Variants in ADPRHL1 observed in about 807,000 individuals in gnomAD.
The protein encoded by ADPRHL1 is inactive ADP-ribosyltransferase ARH2.
A neutral mutation model predicts 44.1 loss-of-function variants in ADPRHL1; 43 were observed. The ratio of observed to expected loss-of-function variants is 0.98; its 90% CI spans 0.76 to 1.26. The LOEUF is 1.26. ADPRHL1 is among the 50% of genes most tolerant of loss of function. The pLI is 0.00. For missense variants in ADPRHL1, 2,022 were observed against 2,496.9 expected (o/e 0.81, Z 4.05); for synonymous variants, 878 against 1,017.4 (o/e 0.86, Z 2.61).
chr13:113,444,906 A>G (rs1265380723), intron 1 of ADPRHL1, among the ~76,000 whole-genome samples: 1 of 152,168 alleles, frequency 6.6e-6, no homozygotes, highest in Non-Finnish European at 1.5e-5. Flanking sequence ...TACAGGCGTG[A>G]GCCACTGCAC....
chr13:113,435,477 G>A (rs1202196849), intron 2 of ADPRHL1, among the ~76,000 whole-genome samples: 115 of 51,516 alleles, frequency 2.2e-3, no homozygotes, highest in South Asian at 3.8e-3. Flanking sequence ...CCCGGGACCC[G>A]GCACCCAGGT....
In ADPRHL1 at chr13:113,428,998, C is replaced by T. The variant is rs1255250996; in HGVS notation, c.600G>A (p.Val200=). 1 of 1,612,840 alleles carries T rather than the reference C, an allele frequency of 6.2e-7. No individual in the cohort carries two copies. The highest frequency in any genetic ancestry group is 1.3e-5 in the African/African-American group (1 of 75,062). ...VQWGRDMLRA[V]PLAEEYCRKT... is the part of the protein sequence containing the mutation. The stretch of plus-strand genomic sequence containing the variant: ...TCCTGCAGTACTCTTCTGCCAGAGG[C>T]ACCGCCCGCAGCATGTCTCTCCCCC... The change falls in exon 4 of 8, where the codon GTG becomes GTA. Residue 200 remains valine (V), a synonymous_variant. Transcript: ENST00000612156.
chr13:113,418,016 G>A (rs1226320674), intron 7 of ADPRHL1, among the ~76,000 whole-genome samples: 4 of 152,158 alleles, frequency 2.6e-5, no homozygotes, highest in Non-Finnish European at 5.9e-5. Context: ...TGGCAGCTTG[G>A]GCCTGAGGTT....
Position 113,409,953 on chromosome 13 carries a change from G to A in ADPRHL1, c.1062-1733C>T. ...GAAAAGAGACCGGAAGGAAATGTGT[G>A]AACATACTTCTCTTTTTGTGTTTGT... On this transcript the variant is annotated intron_variant, in intron 7 of 7. Coordinates refer to ENST00000612156, the MANE Select transcript of ADPRHL1 (RefSeq NM_001394807.1). The surrounding 1 kb of genome is among the most constrained non-coding windows in gnomAD (Gnocchi z 4.2). 1 of 982,164 alleles carries A rather than the reference G, an allele frequency of 1.0e-6. No homozygotes were observed. The highest frequency in any genetic ancestry group is 1.2e-6 in the Non-Finnish European group (1 of 827,404). The allele number at this position is 982,164 out of a possible 1,614,324, so 60.8% of individuals were successfully genotyped here.
chr13:113,408,334 A>G (rs775141990), intron 7 of ADPRHL1, 114 bp from the exon 8 acceptor site: 2 of 1,074,948 alleles, frequency 1.9e-6, no homozygotes, highest in Non-Finnish European at 2.4e-6. Context: ...AAAGTCTGGT[A>G]GGGAGAAAAA....
In ADPRHL1 at chr13:113,425,079, G is replaced by T. The variant is rs758895749; in HGVS notation, c.747C>A (p.Asp249Glu). 7 of 1,613,452 alleles carry T rather than the reference G, an allele frequency of 4.3e-6. No homozygotes were observed. In the Admixed American group the frequency reaches 5.0e-5, roughly 12 times the overall value. ...KDSENKAIFP[D>E]NYDAEEREKT... ...TTTCCCTCTCTTCTGCATCATAATT[G>T]TCGGGGAAGATGGCTTTATTTTCTG... Residue 249 changes from aspartate (D) to glutamate (E), a missense_variant, in exon 5 of 8, where the codon GAC becomes GAA. Asp to Glu is a conservative substitution (Grantham distance 45). This residue lies in a region of ADPRHL1 where 437 missense variants were observed against 430.7 expected (regional missense o/e 1.01). Coordinates refer to ENST00000612156, the MANE Select transcript of ADPRHL1 (RefSeq NM_001394807.1).
chr13:113,445,783 G>A (rs763539854), intron 1 of ADPRHL1, among the ~76,000 whole-genome samples: 1 of 152,128 alleles, frequency 6.6e-6, no homozygotes, highest in Non-Finnish European at 1.5e-5. Flanking sequence ...AGATTAGGAA[G>A]GGCACTTGGC....
At chr13:113,449,628 C>T (rs1216478220) in intron 1 of ADPRHL1, among the ~76,000 whole-genome samples, 1 of 152,242 alleles carries the variant, frequency 6.6e-6, no homozygotes, top group Non-Finnish European at 1.5e-5. Context: ...CAGGCTGCCC[C>T]GACCCTCAGA....
Position 113,406,368 on chromosome 13 carries a change from C to G in ADPRHL1, c.2914G>C (p.Asp972His), listed in dbSNP as rs1363187375. ...GAGGTCCTCTCTCCTGAAATATCGTCAGGATTCCTGGGACCGTGTGAATTC... is the reference window on the plus strand; with the variant it reads ...GAGGTCCTCTCTCCTGAAATATCGTGAGGATTCCTGGGACCGTGTGAATTC... ...FENSHGPRNPDDISGERTSEL... is the reference protein window; with the variant it reads ...FENSHGPRNPHDISGERTSEL... Residue 972 changes from aspartate (D) to histidine (H), a missense_variant, in exon 8 of 8, where the codon GAC (aspartate) becomes CAC (histidine). Transcript: ENST00000612156. The G allele has an allele frequency of 2.4e-6, 3 of 1,231,988 alleles. No individual in the cohort carries two copies. The highest frequency in any genetic ancestry group is 3.0e-6 in the Non-Finnish European group (3 of 987,970). 76.3% of individuals were successfully genotyped at this position (1,231,988 alleles called of 1,614,324 possible).
intron 7 of ADPRHL1, among the ~76,000 whole-genome samples, chr13:113,413,671 C>CA (rs2043871989): frequency 6.6e-6 from 1 of 152,240 alleles, no homozygotes; most frequent in South Asian, 2.1e-4. Context: ...CCCCACCCCT[C>CA]AAAGCCTCCT....
chr13:113,429,472 AC>A (rs1339486504), intron 3 of ADPRHL1, among the ~76,000 whole-genome samples: 3 of 152,106 alleles, frequency 2.0e-5, no homozygotes, highest in Non-Finnish European at 4.4e-5. Flanking sequence ...CCCCAGGTTC[AC>A]CCGCGTGGCT....
Position 113,404,740 on chromosome 13 carries a change from T to C in ADPRHL1, c.4542A>G (p.Ile1514Met), listed in dbSNP as rs1699188610. The C allele has an allele frequency of 5.5e-6, 7 of 1,275,620 alleles. No homozygotes were observed. Among genetic ancestry groups the C allele is most frequent in the African/African-American group, 3.1e-5 (2 of 64,836 alleles). 79.0% of individuals were successfully genotyped at this position (1,275,620 alleles called of 1,614,324 possible). A position where few individuals can be genotyped will look rare whatever the true frequency, so the allele number is the denominator to read the frequency against. Reference sequence around the variant, plus strand: ...GTTCCTGTGCCTGCCCCTGGGCCTCTATCTGGGTCTGCCACTGGGCCTGTT... The same window carrying C: ...GTTCCTGTGCCTGCCCCTGGGCCTCCATCTGGGTCTGCCACTGGGCCTGTT... ...AQEQAQWQTQ[I>M]EAQGQAQEQA... is the part of the protein sequence containing the mutation. The change falls in exon 8 of 8, where the codon ATA (isoleucine) becomes ATG (methionine). Residue 1514 changes from isoleucine (I) to methionine (M), a missense_variant. Coordinates refer to ENST00000612156, the MANE Select transcript of ADPRHL1 (RefSeq NM_001394807.1).
chr13:113,422,026 T>A (rs1312458829), intron 7 of ADPRHL1: 1 of 152,212 alleles, frequency 6.6e-6, no homozygotes, highest in Non-Finnish European at 1.5e-5. Flanking sequence ...GAGCAAGTGG[T>A]CTCTTTTCCA....
chr13:113,429,221 T>A, intron 3 of ADPRHL1, 129 bp from the exon 4 acceptor site: 1 of 1,285,608 alleles, frequency 7.8e-7, no homozygotes, highest in Non-Finnish European at 1.1e-6. Flanking sequence ...CATGTTCAGG[T>A]GCACAGTTCG....
chr13:113,408,545 A>G (rs1159306979), intron 7 of ADPRHL1, among the ~76,000 whole-genome samples: 1 of 152,272 alleles, frequency 6.6e-6, no homozygotes, highest in Non-Finnish European at 1.5e-5. Context: ...CATATGCAAC[A>G]TATTAAAAGA....
In ADPRHL1 at chr13:113,409,622, C is replaced by T. The variant is rs1033893572; in HGVS notation, c.1062-1402G>A. On this transcript the variant is annotated intron_variant, in intron 7 of 7. Coordinates refer to ENST00000612156, the MANE Select transcript of ADPRHL1 (RefSeq NM_001394807.1). This position sits in a 1 kb window ranked among gnomAD's most constrained non-coding sequence, Gnocchi z 4.2. ...AGCTGAGGCCGGGCGCCGTGGCTCACGCCTGTAATCTCAGCGTGATTTGGG... is the reference window on the plus strand; with the variant it reads ...AGCTGAGGCCGGGCGCCGTGGCTCATGCCTGTAATCTCAGCGTGATTTGGG... The T allele has an allele frequency of 1.5e-5, 15 of 985,286 alleles. No individual in the cohort carries two copies. The highest frequency in any genetic ancestry group is 4.7e-5 in the South Asian group (1 of 21,288). 61.0% of individuals were successfully genotyped at this position (985,286 alleles called of 1,614,324 possible).
rs368619068 is a variant in ADPRHL1, at chr13:113,404,912, G to A, written c.4370C>T (p.Thr1457Met). The change falls in exon 8 of 8, where the codon ACG (threonine) becomes ATG (methionine). Residue 1457 changes from threonine (T) to methionine (M), a missense_variant. Thr to Met is a moderately conservative substitution (Grantham distance 81). Transcript: ENST00000612156. ...AGCCCTGGTGCCCTCTCCCCACGCC[G>A]TGCTCCGCCCCCGCTCCTCCCAGGG... is the stretch of plus-strand genomic sequence containing the variant. ...QGPWEERGRS[T>M]AWGEGTRAAR... 19 of 1,243,736 alleles carry A rather than the reference G, an allele frequency of 1.5e-5. No homozygotes were observed. Among genetic ancestry groups the A allele is most frequent in the East Asian group, 6.3e-5 (2 of 31,778 alleles). 77.0% of individuals were successfully genotyped at this position (1,243,736 alleles called of 1,614,324 possible).
At chr13:113,427,857 G>A in intron 4 of ADPRHL1, among the ~76,000 whole-genome samples, 1 of 149,458 alleles carries the variant, frequency 6.7e-6, no homozygotes, top group East Asian at 2.1e-4. Flanking sequence ...GTCCAGGCGG[G>A]TATCCGTGCC....
chr13:113,412,751 TCGG>T, intron 7 of ADPRHL1, among the ~76,000 whole-genome samples: 1 of 143,226 alleles, frequency 7.0e-6, no homozygotes, highest in African/African-American at 2.7e-5. Context: ...CCCGCGGAGC[TCGG>T]TTCACCCACC....
Sources: allele counts gnomAD v4.1 joint callset (sites outside exome capture counted in the v4.1 genomes callset), GRCh38; gene constraint gnomAD v4.1.1; regional missense constraint gnomAD v4.1.1; non-coding constraint Gnocchi (gnomAD v3.1); transcripts MANE v1.5; gene names NCBI Gene and HGNC (gene_info 2026-07-23, HGNC 2026-07-21).